CYP39A1: variants seen among roughly 807,000 people sequenced by gnomAD.
CYP39A1 encodes 24-hydroxycholesterol 7-alpha-hydroxylase.
Under a neutral mutation model 58.1 loss-of-function variants are expected in CYP39A1, and 49 were observed. The observed-to-expected ratio is 0.84, with a 90% confidence interval of 0.67 to 1.07. CYP39A1 has a LOEUF of 1.07. Ranked by LOEUF, CYP39A1 falls within the 50% of genes least tolerant of loss-of-function variation. CYP39A1 has a pLI of 0.00. For synonymous variants in CYP39A1, 209 were observed against 187.6 expected, an observed-to-expected ratio of 1.11 and a Z score of -0.93; for missense variants, 531 against 539.4, an observed-to-expected ratio of 0.98 and a Z score of 0.16.
intron 7 of CYP39A1, among the ~76,000 whole-genome samples, chr6:46,616,229 TCCCTCCCTCCCTC>T (rs1561994425): frequency 2.9e-4 from 11 of 37,786 alleles, no homozygotes; most frequent in South Asian, 1.8e-3. Flanking sequence ...CCTCCCTCCC[TCCCTCCCTCCCTC>T]CCTTCCTTCC....
chr6:46,637,803 A>C, intron 4 of CYP39A1, 26 bp downstream of exon 4: 1 of 1,603,238 alleles, frequency 6.2e-7, no homozygotes, highest in African/African-American at 1.3e-5. Flanking sequence ...TTGGTCAATG[A>C]ATTAATTATA....
intron 8 of CYP39A1, among the ~76,000 whole-genome samples, chr6:46,591,105 C>T (rs1409369388): frequency 1.3e-5 from 2 of 152,104 alleles, no homozygotes; most frequent in Non-Finnish European, 2.9e-5. Context: ...AAATATATTT[C>T]TAACTATAAT....
At chr6:46,645,366 CTTT>C (rs1395572769) in intron 1 of CYP39A1, among the ~76,000 whole-genome samples, 1 of 151,940 alleles carries the variant, frequency 6.6e-6, no homozygotes, top group African/African-American at 2.4e-5. Flanking sequence ...GGGGGTGGTT[CTTT>C]GTTGTTGTTT....
At chr6:46,616,007 CCCCCTCCCT>C in intron 7 of CYP39A1, among the ~76,000 whole-genome samples, 3 of 1,780 alleles carry the variant, frequency 1.7e-3, no homozygotes, top group East Asian at 0.036. Flanking sequence ...TCCCTCCCTC[CCCCCTCCCT>C]CCCCCTCCCT....
chr6:46,598,904 C>T lies in CYP39A1; in HGVS notation c.932-2784G>A, dbSNP rs1773328928. Among the ~76,000 whole-genome samples the T allele has an allele frequency of 2.0e-5, 3 of 152,082 alleles. No individual in the cohort carries two copies. The South Asian group carries it at 6.2e-4, about 32-fold the overall frequency. ...ACTAAGTGTTCAGTACAAGGTGGTG[C>T]TGATTTACTTTTTATTTATTATTAC... On this transcript the variant is annotated intron_variant, in intron 7 of 11. Transcript: ENST00000275016.
At chr6:46,589,686 A>C in intron 8 of CYP39A1, among the ~76,000 whole-genome samples, 1 of 151,984 alleles carries the variant, frequency 6.6e-6, no homozygotes, top group Non-Finnish European at 1.5e-5. Context: ...GACCTGTGAG[A>C]TCCCAATCCT....
chr6:46,647,748 A>G (rs910596040), intron 1 of CYP39A1, among the ~76,000 whole-genome samples: 4 of 152,102 alleles, frequency 2.6e-5, no homozygotes, highest in East Asian at 1.9e-4. Context: ...GCATTTTTTC[A>G]TCTGTCTGTT....
chr6:46,586,558 T>C, intron 10 of CYP39A1: 1 of 985,838 alleles, frequency 1.0e-6, no homozygotes, highest in Middle Eastern at 5.2e-4. Flanking sequence ...TAGAACAGGG[T>C]ATCACACTGA....
intron 7 of CYP39A1, among the ~76,000 whole-genome samples, chr6:46,617,074 C>G (rs762443554): frequency 2.6e-5 from 4 of 152,142 alleles, no homozygotes; most frequent in African/African-American, 4.8e-5. Context: ...TCTACATAAA[C>G]TACAGACCAT....
Position 46,587,185 on chromosome 6 carries a change from T to C in CYP39A1, c.1162-20A>G, listed in dbSNP as rs1286051197. Reference sequence around the variant, plus strand: ...ACGTTCCTGTGGGAAGAAAACATTTTTTTTTCCAAATCAGCCTTATATAAA... The same window carrying C: ...ACGTTCCTGTGGGAAGAAAACATTTCTTTTTCCAAATCAGCCTTATATAAA... On this transcript the variant is annotated intron_variant, in intron 9 of 11. Coordinates refer to ENST00000275016, the MANE Select transcript of CYP39A1 (RefSeq NM_016593.5). 2.6e-6 allele frequency: 4 copies of C among 1,539,220 alleles called. No individual in the cohort carries two copies. Among genetic ancestry groups the C allele is most frequent in the South Asian group, 1.2e-5 (1 of 86,800 alleles).
At chr6:46,583,396 T>C (rs1476752490) in intron 10 of CYP39A1, 4 of 985,238 alleles carry the variant, frequency 4.1e-6, no homozygotes, top group Non-Finnish European at 4.8e-6. Flanking sequence ...ATCCCTAAGA[T>C]CATCAACTCT....
chr6:46,580,668 A>T lies in CYP39A1; in HGVS notation c.1250+6409T>A, dbSNP rs576029978. On this transcript the variant is annotated intron_variant, in intron 10 of 11. Coordinates refer to ENST00000275016, the MANE Select transcript of CYP39A1 (RefSeq NM_016593.5). ...AAATCAGCAAGCAAAACACAACCCC[A>T]TTTAAAAAAAATGGGCAAATAATAT... Among the ~76,000 whole-genome samples the T allele has an allele frequency of 7.9e-5, 12 of 152,300 alleles. No individual in the cohort carries two copies. The South Asian group carries it at 2.3e-3, about 29-fold the overall frequency.
Position 46,550,410 on chromosome 6 carries a change from G to A in CYP39A1, c.1366C>T (p.Gln456Ter), listed in dbSNP as rs147674761. ...TCAATTCGGCATTGCCCTTCCGGCT[G>A]GGGGACACCCACCAAATGGAGATAA... ...QSYLHLVGVPQPEGQCRIEYK... is the reference protein window; with the variant it reads ...QSYLHLVGVP Residue 456 changes from glutamine to a stop codon, truncating the protein, a stop_gained, in exon 12 of 12, where the codon CAG (glutamine) becomes TAG (stop). Coordinates refer to ENST00000275016, the MANE Select transcript of CYP39A1 (RefSeq NM_016593.5). LOFTEE classifies it high-confidence loss of function. 3.4e-5 allele frequency: 54 copies of A among 1,611,704 alleles called. No individual in the cohort carries two copies. The African/African-American group carries it at 5.9e-4, about 18-fold the overall frequency.
At chr6:46,612,066 A>G (rs1291246309) in intron 7 of CYP39A1, among the ~76,000 whole-genome samples, 1 of 152,238 alleles carries the variant, frequency 6.6e-6, no homozygotes, top group Non-Finnish European at 1.5e-5. Context: ...GAGGCACCAG[A>G]GTAGAACCTA....
chr6:46,579,884 T>C (rs1258301645), intron 10 of CYP39A1, among the ~76,000 whole-genome samples: 4 of 152,152 alleles, frequency 2.6e-5, no homozygotes, highest in African/African-American at 9.7e-5. Flanking sequence ...AAGTGTTCCA[T>C]GCTCATAGAT....
Position 46,588,132 on chromosome 6 carries a change from A to G in CYP39A1, c.1066-3T>C. On this transcript the variant is annotated splice_region_variant and splice_polypyrimidine_tract_variant and intron_variant, in intron 8 of 11. Coordinates refer to ENST00000275016, the MANE Select transcript of CYP39A1 (RefSeq NM_016593.5). ...TCACCAGAAGGAATGATGTAATTCT[A>G]TAACAGAAAAATCAGCTGCAAATCA... 1.3e-6 allele frequency: 2 copies of G among 1,559,370 alleles called. No homozygotes were observed. The highest frequency in any genetic ancestry group is 1.4e-5 in the African/African-American group (1 of 73,150).
chr6:46,643,424 C>T (rs1177163568), intron 1 of CYP39A1, among the ~76,000 whole-genome samples: 2 of 152,148 alleles, frequency 1.3e-5, no homozygotes, highest in East Asian at 3.8e-4. Flanking sequence ...ACTTGCAGGC[C>T]CAAAAATCAT....
intron 8 of CYP39A1, among the ~76,000 whole-genome samples, chr6:46,592,489 T>C (rs1772898642): frequency 6.6e-6 from 1 of 152,188 alleles, no homozygotes; most frequent in African/African-American, 2.4e-5. Flanking sequence ...ATTAGTAATG[T>C]ATACAAGGAT....
chr6:46,575,796 C>A (rs2150498531), intron 10 of CYP39A1, among the ~76,000 whole-genome samples: 1 of 152,246 alleles, frequency 6.6e-6, no homozygotes, highest in Non-Finnish European at 1.5e-5. Flanking sequence ...GTTAGAACAC[C>A]CAGTCCAGGA....
Sources: allele counts gnomAD v4.1 joint callset (sites outside exome capture counted in the v4.1 genomes callset), GRCh38; gene constraint gnomAD v4.1.1; transcripts MANE v1.5; gene names NCBI Gene and HGNC (gene_info 2026-07-23, HGNC 2026-07-21).